Variants in DFFA observed in about 807,000 individuals in gnomAD.
DFFA encodes the protein DNA fragmentation factor subunit alpha, also known as DFF45.
A neutral mutation model predicts 28.0 loss-of-function variants in DFFA; 14 were observed. The observed-to-expected ratio is 0.50, with a 90% CI of 0.33 to 0.78. The LOEUF is 0.78. Ranked by LOEUF, DFFA falls within the 30% of genes least tolerant of loss-of-function variation. The probability of loss-of-function intolerance (pLI) is 0.02; values close to 1 mark genes in which losing one functional copy is unlikely to be tolerated. For synonymous variants in DFFA, 158 were observed against 170.3 expected (o/e 0.93, Z 0.56); for missense variants, 395 against 407.1 (o/e 0.97, Z 0.26).
Position 10,457,747 on chromosome 1 carries a change from T to G in DFFA, c.*3743A>C, listed in dbSNP as rs1028131024. The stretch of plus-strand genomic sequence containing the variant: ...TTCAAGCTTGGAGCCTTAGACTAAC[T>G]GAGAGGTTAGACTCAAGCCGGTTTG... On this transcript the variant is annotated 3_prime_UTR_variant, in exon 6 of 6. Coordinates refer to ENST00000377038, the MANE Select transcript of DFFA (RefSeq NM_004401.3). The G allele has an allele frequency of 6.6e-6, 1 of 152,116 alleles. No individual in the cohort carries two copies. Among genetic ancestry groups the G allele is most frequent in the Non-Finnish European group, 1.5e-5 (1 of 68,036 alleles). The allele number at this position is 152,116 out of a possible 1,614,324, so 9.4% of individuals were successfully genotyped here.
intron 3 of DFFA, among the ~76,000 whole-genome samples, chr1:10,465,508 CCCT>C (rs1436023337): frequency 6.6e-6 from 1 of 151,908 alleles, no homozygotes; most frequent in African/African-American, 2.4e-5. Flanking sequence ...TTGTGATCCA[CCCT>C]CCTCAGCCTC....
chr1:10,462,430 G>A, intron 5 of DFFA: 4 of 987,588 alleles, frequency 4.1e-6, no homozygotes, highest in Non-Finnish European at 4.8e-6. Flanking sequence ...ACTGTGCCCG[G>A]ACAAGCATGG....
At position 10,461,266 on chromosome 1, in the gene DFFA, A is replaced by C; in HGVS notation, c.*224T>G. On this transcript the variant is annotated 3_prime_UTR_variant, in exon 6 of 6. Transcript: ENST00000377038. Reference sequence around the variant, plus strand: ...CATATGTAATTAGAGGAGGCGGGATATTGTTGGTGCAGCTATATCATTCAA... The same window carrying C: ...CATATGTAATTAGAGGAGGCGGGATCTTGTTGGTGCAGCTATATCATTCAA... The C allele has an allele frequency of 1.7e-6, 1 of 571,914 alleles. No homozygotes were observed. The highest frequency in any genetic ancestry group is 3.0e-6 in the Non-Finnish European group (1 of 331,528). The allele number at this position is 571,914 out of a possible 1,614,324, so 35.4% of individuals were successfully genotyped here. A position where few individuals can be genotyped will look rare whatever the true frequency, so the allele number is the denominator to read the frequency against.
At chr1:10,467,514 A>ATT (rs373985522) in intron 2 of DFFA, among the ~76,000 whole-genome samples, 182 bp from the exon 3 acceptor site, 34 of 142,864 alleles carry the variant, frequency 2.4e-4, no homozygotes, top group African/African-American at 3.6e-4. Flanking sequence ...CTCTTCTTTC[A>ATT]TTTTTTTTTT....
At chr1:10,468,741 A>ACT (rs1052012298) in intron 2 of DFFA, among the ~76,000 whole-genome samples, 6 of 137,884 alleles carry the variant, frequency 4.4e-5, no homozygotes, top group African/African-American at 1.6e-4. Flanking sequence ...TCATTCATCT[A>ACT]TTTTTTTTTT....
chr1:10,467,040 G>A, intron 3 of DFFA, 150 bp downstream of exon 3: 1 of 867,436 alleles, frequency 1.2e-6, no homozygotes, highest in Non-Finnish European at 1.7e-6. Context: ...AGAATGAGAA[G>A]ATGAAAAATC....
chr1:10,472,116 A>G lies in DFFA; in HGVS notation c.136+207T>C, dbSNP rs1382253886. ...CACATTGCTTCCTGGCTGTCTTCCC[A>G]CCACCGTGGAGTCTCACACGAGATT... is the stretch of plus-strand genomic sequence containing the variant. On this transcript the variant is annotated intron_variant, in intron 1 of 5. Transcript: ENST00000377038. The surrounding 1 kb of genome is among the most constrained non-coding windows in gnomAD (Gnocchi z 5.0). Among the ~76,000 whole-genome samples, 1 of 151,814 alleles carries G rather than the reference A, an allele frequency of 6.6e-6. No individual in the cohort carries two copies. Among genetic ancestry groups the G allele is most frequent in the African/African-American group, 2.4e-5 (1 of 41,314 alleles).
At chr1:10,468,973 A>C (rs1324563203) in intron 2 of DFFA, among the ~76,000 whole-genome samples, 2 of 152,150 alleles carry the variant, frequency 1.3e-5, no homozygotes, top group African/African-American at 4.8e-5. Context: ...TCCTGAGCTC[A>C]GGTGATCTGC....
Position 10,461,399 on chromosome 1 carries a change from G to GAGT in DFFA, c.*88_*90dup. 1.3e-6 allele frequency: 2 copies of GAGT among 1,497,684 alleles called. No homozygotes were observed. The highest frequency in any genetic ancestry group is 1.8e-6 in the Non-Finnish European group (2 of 1,117,266). The allele number at this position is 1,497,684 out of a possible 1,614,324, so 92.8% of individuals were successfully genotyped here. On this transcript the variant is annotated 3_prime_UTR_variant, in exon 6 of 6. Coordinates refer to ENST00000377038, the MANE Select transcript of DFFA (RefSeq NM_004401.3). ...GGAAGGTGCTCTAAGGCAGGGGGTA[G>GAGT]AGTAGTACATAGGTAGTCAAATGAT... is the stretch of plus-strand genomic sequence containing the variant.
In DFFA at chr1:10,460,090, C is replaced by T. The variant is rs1366474016; in HGVS notation, c.*1400G>A. 2 of 150,810 alleles carry T rather than the reference C, an allele frequency of 1.3e-5. No individual in the cohort carries two copies. Among genetic ancestry groups the T allele is most frequent in the African/African-American group, 2.4e-5 (1 of 41,090 alleles). The allele number at this position is 150,810 out of a possible 1,614,324, so 9.3% of individuals were successfully genotyped here. A position where few individuals can be genotyped will look rare whatever the true frequency, so the allele number is the denominator to read the frequency against. ...CAAAACCCTGTCTCTACTAAAAATA[C>T]AAAAATTAGCCGGGCATGGTGGCAC... On this transcript the variant is annotated 3_prime_UTR_variant, in exon 6 of 6. Coordinates refer to ENST00000377038, the MANE Select transcript of DFFA (RefSeq NM_004401.3).
chr1:10,467,447 C>G, intron 2 of DFFA, 115 bp from the exon 3 acceptor site: 1 of 1,134,872 alleles, frequency 8.8e-7, no homozygotes, highest in Admixed American at 1.8e-5. Context: ...GGGAAAGAAG[C>G]ATCTTATCTC....
intron 2 of DFFA, among the ~76,000 whole-genome samples, chr1:10,468,728 G>A (rs1471737651): frequency 6.6e-6 from 1 of 151,084 alleles, no homozygotes; most frequent in African/African-American, 2.5e-5. Context: ...CTGGGCCCAT[G>A]TCTCATTCAT....
intron 3 of DFFA, among the ~76,000 whole-genome samples, chr1:10,464,595 G>A (rs886723848): frequency 6.6e-6 from 1 of 151,988 alleles, no homozygotes; most frequent in African/African-American, 2.4e-5. Context: ...TACGCCTGTG[G>A]TCCCAGCTAC....
At chr1:10,469,431 G>T in intron 1 of DFFA, 93 bp from the exon 2 acceptor site, 1 of 1,108,088 alleles carries the variant, frequency 9.0e-7, no homozygotes, top group Non-Finnish European at 1.3e-6. Context: ...CCAGAGCTGA[G>T]CAGAACTCCT....
At chr1:10,463,977 C>T (rs1640987350) in intron 3 of DFFA, among the ~76,000 whole-genome samples, 1 of 151,264 alleles carries the variant, frequency 6.6e-6, no homozygotes, top group Admixed American at 6.6e-5. Context: ...CAAGGACTTT[C>T]TAAACACGGT....
chr1:10,461,451 C>G lies in DFFA; in HGVS notation c.*39G>C, dbSNP rs1640937208. On this transcript the variant is annotated 3_prime_UTR_variant, in exon 6 of 6. Coordinates refer to ENST00000377038, the MANE Select transcript of DFFA (RefSeq NM_004401.3). ...AGGCTGAGGGTGTCTACCAATAACA[C>G]AACGCCACAGAGCTTCCTTGGCACA... 2 of 1,588,184 alleles carry G rather than the reference C, an allele frequency of 1.3e-6. No individual in the cohort carries two copies. The highest frequency in any genetic ancestry group is 1.7e-6 in the Non-Finnish European group (2 of 1,166,070).
intron 5 of DFFA, 117 bp downstream of exon 5, chr1:10,462,941 C>A (rs1394373461): frequency 1.3e-6 from 2 of 1,517,270 alleles, no homozygotes; most frequent in Non-Finnish European, 1.8e-6. Context: ...GGCAAACTGG[C>A]AGCTAGGATT....
intron 2 of DFFA, among the ~76,000 whole-genome samples, chr1:10,467,573 C>T (rs1183537315): frequency 5.9e-5 from 9 of 151,526 alleles, no homozygotes; most frequent in African/African-American, 2.2e-4. Flanking sequence ...TGCAGTGGCA[C>T]GATCTTGGCT....
rs1282824569 is a variant in DFFA, at chr1:10,472,446, C to G, written c.13G>C (p.Gly5Arg). 5 of 1,610,990 alleles carry G rather than the reference C, an allele frequency of 3.1e-6. No homozygotes were observed. The highest frequency in any genetic ancestry group is 1.7e-4 in the Middle Eastern group (1 of 6,048). The change falls in exon 1 of 6, where the codon GGG becomes CGG. Residue 5 changes from glycine (G) to arginine (R), a missense_variant. Gly to Arg is a moderately radical substitution (Grantham distance 125, BLOSUM62 -2). Coordinates refer to ENST00000377038, the MANE Select transcript of DFFA (RefSeq NM_004401.3). This position sits in a 1 kb window ranked among gnomAD's most constrained non-coding sequence, Gnocchi z 5.0. MEVT[G>R]DAGVPESGEI... ...CCAGATTCTGGTACCCCGGCGTCCCCGGTCACCTCCATCCTCCACAAGGTG... is the reference window on the plus strand; with the variant it reads ...CCAGATTCTGGTACCCCGGCGTCCCGGGTCACCTCCATCCTCCACAAGGTG...
Sources: allele counts gnomAD v4.1 joint callset (sites outside exome capture counted in the v4.1 genomes callset), GRCh38; gene constraint gnomAD v4.1.1; non-coding constraint Gnocchi (gnomAD v3.1); transcripts MANE v1.5; gene names NCBI Gene and HGNC (gene_info 2026-07-23, HGNC 2026-07-21).